CSNK1G3: variants seen among roughly 807,000 people sequenced by gnomAD.
The protein encoded by CSNK1G3 is casein kinase 1 gamma 3.
A neutral mutation model predicts 64.3 loss-of-function variants in CSNK1G3; 23 were observed. The ratio of observed to expected loss-of-function variants is 0.36; its 90% CI spans 0.26 to 0.51. The LOEUF (loss-of-function observed/expected upper bound fraction) is 0.51, where lower values mean the gene tolerates loss of function less well. Ranked by LOEUF, CSNK1G3 falls within the 20% of genes least tolerant of loss-of-function variation. CSNK1G3 has a pLI of 0.96. For synonymous variants in CSNK1G3, 158 were observed against 162.2 expected (o/e 0.97, Z 0.20); for missense variants, 357 against 510.5 (o/e 0.70, Z 2.90).
At chr5:123,559,703 T>G (rs74559518) in intron 4 of CSNK1G3, among the ~76,000 whole-genome samples, 7 of 37,556 alleles carry the variant, frequency 1.9e-4, no homozygotes, top group East Asian at 1.8e-3. Flanking sequence ...TTTTTTGTGG[T>G]TTTTTTTTTT....
chr5:123,591,315 G>A lies in CSNK1G3; in HGVS notation c.991-4G>A. 6.3e-7 allele frequency: 1 copy of A among 1,578,384 alleles called. No homozygotes were observed. The highest frequency in any genetic ancestry group is 8.6e-7 in the Non-Finnish European group (1 of 1,157,330). On this transcript the variant is annotated splice_region_variant and splice_polypyrimidine_tract_variant and intron_variant, in intron 9 of 12. Coordinates refer to ENST00000345990, the Ensembl canonical transcript of CSNK1G3. ...TATTGATACCAATTGTTATTGTATT[G>A]TAGCCTACTCCAGTGGGTGCAGTTC...
At chr5:123,609,689 C>T (rs563547548) in intron 12 of CSNK1G3, among the ~76,000 whole-genome samples, 1 of 152,182 alleles carries the variant, frequency 6.6e-6, no homozygotes, top group African/African-American at 2.4e-5. Flanking sequence ...GTAAGAAATC[C>T]CACGTGGTGT....
rs567248813 is a variant in CSNK1G3 at position 123,522,560 on chromosome 5, G to A, written c.-248+9990G>A. Reference sequence around the variant, plus strand: ...GTGGCCAGGTACCTGACATAAAATGGCACAGTATTTGCCTATAACCTTTGA... The same window carrying A: ...GTGGCCAGGTACCTGACATAAAATGACACAGTATTTGCCTATAACCTTTGA... On this transcript the variant is annotated intron_variant, in intron 1 of 12. Coordinates refer to ENST00000345990, the Ensembl canonical transcript of CSNK1G3. Among the ~76,000 whole-genome samples, 9 of 151,790 alleles carry A rather than the reference G, an allele frequency of 5.9e-5. No homozygotes were observed. The East Asian group carries it at 9.7e-4, about 16-fold the overall frequency.
At chr5:123,614,259 G>T in intron 12 of CSNK1G3, 83 bp from the exon 14 acceptor site, 1 of 1,353,824 alleles carries the variant, frequency 7.4e-7, no homozygotes, top group South Asian at 1.3e-5. Context: ...TGCTTTTTAT[G>T]ATCATTTAAG....
At chr5:123,568,593 T>C (rs1394750908) in intron 4 of CSNK1G3, among the ~76,000 whole-genome samples, 1 of 152,254 alleles carries the variant, frequency 6.6e-6, no homozygotes, top group African/African-American at 2.4e-5. Context: ...TTGAGTTCTT[T>C]GGCAACTTCT....
At chr5:123,555,616 T>C (rs1784481000) in intron 3 of CSNK1G3, among the ~76,000 whole-genome samples, 1 of 152,190 alleles carries the variant, frequency 6.6e-6, no homozygotes. Flanking sequence ...ACAGTTTGTT[T>C]CAGGATAATT....
chr5:123,529,008 A>T (rs1779504510), intron 1 of CSNK1G3, among the ~76,000 whole-genome samples: 1 of 152,198 alleles, frequency 6.6e-6, no homozygotes, highest in African/African-American at 2.4e-5. Context: ...GCTATTTATT[A>T]ACTTTTTCCT....
chr5:123,615,679 A>T (rs1046738655), exon 13 of CSNK1G3: 7 of 152,162 alleles, frequency 4.6e-5, no homozygotes, highest in African/African-American at 1.7e-4. Context: ...CCATAAAGAC[A>T]CACATGTAGT....
intron 10 of CSNK1G3, among the ~76,000 whole-genome samples, chr5:123,601,870 T>C (rs1407841764): frequency 3.3e-5 from 5 of 152,170 alleles, no homozygotes; most frequent in African/African-American, 7.2e-5. Context: ...TGTTTGATTA[T>C]GTACTGGATA....
intron 1 of CSNK1G3, among the ~76,000 whole-genome samples, chr5:123,516,748 C>T (rs944017997): frequency 2.0e-5 from 3 of 151,994 alleles, no homozygotes; most frequent in East Asian, 3.8e-4. Flanking sequence ...AAATCATGTC[C>T]GCATTTTTCA....
At chr5:123,615,521 A>G (rs773485263) in exon 13 of CSNK1G3, 3 of 152,488 alleles carry the variant, frequency 2.0e-5, no homozygotes, top group South Asian at 2.1e-4. Context: ...CATAATTTTG[A>G]TGATTGAAAA....
intron 1 of CSNK1G3, among the ~76,000 whole-genome samples, chr5:123,516,017 A>G (rs1002102289): frequency 2.6e-5 from 4 of 152,164 alleles, no homozygotes; most frequent in African/African-American, 9.7e-5. Context: ...CTGACTTCAA[A>G]GTCTTAAGCC....
At chr5:123,512,870 C>T (rs1404842728) in intron 1 of CSNK1G3, among the ~76,000 whole-genome samples, 1 of 151,710 alleles carries the variant, frequency 6.6e-6, no homozygotes, top group African/African-American at 2.4e-5. Flanking sequence ...CGGAGTGGTG[C>T]GGCGCGACTG....
intron 1 of CSNK1G3, among the ~76,000 whole-genome samples, chr5:123,544,453 A>G (rs1782202616): frequency 6.6e-6 from 1 of 152,200 alleles, no homozygotes; most frequent in African/African-American, 2.4e-5. Flanking sequence ...TGGTTGCATT[A>G]TATAATTAGA....
intron 1 of CSNK1G3, among the ~76,000 whole-genome samples, chr5:123,531,670 A>G (rs1451926962): frequency 6.6e-6 from 1 of 152,030 alleles, no homozygotes; most frequent in Non-Finnish European, 1.5e-5. Flanking sequence ...TAGATATTTC[A>G]ATAAGTTAGT....
At chr5:123,560,878 T>A (rs1016726565) in intron 4 of CSNK1G3, among the ~76,000 whole-genome samples, 2 of 152,066 alleles carry the variant, frequency 1.3e-5, no homozygotes, top group Admixed American at 6.6e-5. Context: ...TGAACAAATT[T>A]TGGAGATGGA....
intron 12 of CSNK1G3, among the ~76,000 whole-genome samples, chr5:123,613,509 G>T (rs1334342288): frequency 6.6e-6 from 1 of 151,816 alleles, no homozygotes; most frequent in Non-Finnish European, 1.5e-5. Flanking sequence ...AGAGATATTT[G>T]TGTATGTGTA....
intron 12 of CSNK1G3, among the ~76,000 whole-genome samples, chr5:123,611,665 GCTAATA>G (rs1283008494): frequency 6.6e-6 from 1 of 152,092 alleles, no homozygotes; most frequent in African/African-American, 2.4e-5. Context: ...ATTTCAAAGG[GCTAATA>G]CAACTTTAGA....
chr5:123,605,277 T>C, intron 11 of CSNK1G3, 62 bp from the exon 13 acceptor site: 1 of 1,396,360 alleles, frequency 7.2e-7, no homozygotes. Flanking sequence ...CAATGTGAGC[T>C]GTTTCTGATT....
Sources: gnomAD v4.1 joint callset for allele counts (sites outside exome capture counted in the v4.1 genomes callset) on GRCh38, gnomAD v4.1.1 for gene constraint, MANE v1.5 for transcripts, NCBI Gene and HGNC (gene_info 2026-07-23, HGNC 2026-07-21) for gene names.